GRM7: variants seen among roughly 807,000 people sequenced by gnomAD.
GRM7 encodes glutamate metabotropic receptor 7, also known as metabotropic glutamate receptor 7.
Under a neutral mutation model 84.5 loss-of-function variants are expected in GRM7, and 35 were observed. The ratio of observed to expected loss-of-function variants is 0.41; its 90% CI spans 0.32 to 0.55. The LOEUF (loss-of-function observed/expected upper bound fraction) is 0.55, where lower values mean the gene tolerates loss of function less well. Ranked by LOEUF, GRM7 falls within the 20% of genes least tolerant of loss-of-function variation. GRM7 has a pLI of 0.19. For synonymous variants in GRM7, 487 were observed against 455.1 expected (o/e 1.07, Z -0.89); for missense variants, 1,003 against 1,194.6 (o/e 0.84, Z 2.36).
rs532625591 is a variant in GRM7 at position 7,029,938 on chromosome 3, G to T, written c.520-116514G>T. On this transcript the variant is annotated intron_variant, in intron 1 of 9. Coordinates refer to ENST00000357716, the MANE Select transcript of GRM7 (RefSeq NM_000844.4). Reference sequence around the variant, plus strand: ...TATCTAAGCATTCATTCCACTTCTAGGTTTTTATCCTAGAGAAAAGAAAGT... The same window carrying T: ...TATCTAAGCATTCATTCCACTTCTATGTTTTTATCCTAGAGAAAAGAAAGT... Among the ~76,000 whole-genome samples, 3 of 152,054 alleles carry T rather than the reference G, an allele frequency of 2.0e-5. No individual in the cohort carries two copies. The South Asian group carries it at 6.3e-4, about 32-fold the overall frequency.
At chr3:7,284,760 G>A (rs1475550353) in intron 2 of GRM7, among the ~76,000 whole-genome samples, 1 of 151,790 alleles carries the variant, frequency 6.6e-6, no homozygotes, top group Non-Finnish European at 1.5e-5. Flanking sequence ...CAAAACTATT[G>A]TTTACTTAGG....
At chr3:7,721,352 G>A (rs943032209) in intron 9 of GRM7, among the ~76,000 whole-genome samples, 4 of 152,216 alleles carry the variant, frequency 2.6e-5, no homozygotes, top group Non-Finnish European at 4.4e-5. Flanking sequence ...GGGGGAATGT[G>A]GGATTCTCAG....
At chr3:7,190,793 T>C (rs1695685017) in intron 2 of GRM7, among the ~76,000 whole-genome samples, 1 of 151,986 alleles carries the variant, frequency 6.6e-6, no homozygotes, top group Admixed American at 6.6e-5. Flanking sequence ...TTGAGTTGAG[T>C]TGTTAGACAG....
Position 7,578,610 on chromosome 3 carries a change from GC to G in GRM7, c.1707del (p.Asn570MetfsTer23). ...TCQHCPYDQRPNENRTGCQDI... is the reference protein window; with the variant it reads ...TCQHCPYDQRXNENRTGCQDI... ...GCCAGCATTGCCCCTATGACCAGAG[GC>G]CCAATGAAAATCGAACCGGATGCCA... On this transcript the variant is annotated frameshift_variant, in exon 8 of 10. Coordinates refer to ENST00000357716, the MANE Select transcript of GRM7 (RefSeq NM_000844.4). LOFTEE classifies it high-confidence loss of function. 1 of 1,614,026 alleles carries G rather than the reference GC, an allele frequency of 6.2e-7. No individual in the cohort carries two copies. The highest frequency in any genetic ancestry group is 8.5e-7 in the Non-Finnish European group (1 of 1,179,970).
intron 1 of GRM7, among the ~76,000 whole-genome samples, chr3:6,883,505 T>C (rs892805314): frequency 6.6e-6 from 1 of 152,200 alleles, no homozygotes; most frequent in Admixed American, 6.5e-5. Context: ...TTGGAAATGA[T>C]TTATTCCCTC....
intron 8 of GRM7, among the ~76,000 whole-genome samples, chr3:7,622,793 G>C (rs898374137): frequency 6.6e-6 from 1 of 152,002 alleles, no homozygotes; most frequent in South Asian, 2.1e-4. Context: ...AAGTGAAAGA[G>C]AGCATGGACA....
At chr3:7,139,719 A>G (rs1379029504) in intron 1 of GRM7, among the ~76,000 whole-genome samples, 2 of 152,038 alleles carry the variant, frequency 1.3e-5, no homozygotes, top group African/African-American at 4.8e-5. Context: ...ATGAGTCAGC[A>G]GAGGTTTAGA....
At chr3:7,496,124 A>G (rs1699693462) in intron 7 of GRM7, among the ~76,000 whole-genome samples, 1 of 152,178 alleles carries the variant, frequency 6.6e-6, no homozygotes, top group Non-Finnish European at 1.5e-5. Flanking sequence ...GCTGATGTGT[A>G]TATTGTGGGG....
chr3:7,660,297 A>G (rs911594014), intron 8 of GRM7, among the ~76,000 whole-genome samples: 7 of 152,164 alleles, frequency 4.6e-5, no homozygotes, highest in Admixed American at 6.5e-5. Context: ...TCACATGCCT[A>G]TAGTACCACC....
chr3:7,178,917 C>G (rs565704073), intron 2 of GRM7, among the ~76,000 whole-genome samples: 2 of 147,430 alleles, frequency 1.4e-5, no homozygotes, highest in African/African-American at 5.1e-5. Flanking sequence ...CCCATCTCTA[C>G]TAAAAATACA....
At chr3:7,043,725 A>G (rs941243651) in intron 1 of GRM7, among the ~76,000 whole-genome samples, 6 of 152,184 alleles carry the variant, frequency 3.9e-5, no homozygotes, top group South Asian at 2.1e-4. Context: ...TTCTCTTGGC[A>G]TGATCCCTAT....
intron 1 of GRM7, among the ~76,000 whole-genome samples, chr3:6,867,991 T>C (rs1356166737): frequency 6.6e-6 from 1 of 152,222 alleles, no homozygotes; most frequent in Non-Finnish European, 1.5e-5. Flanking sequence ...TGATATAGGA[T>C]ATATGTCACA....
At chr3:7,281,889 T>C (rs1699263004) in intron 2 of GRM7, among the ~76,000 whole-genome samples, 1 of 152,186 alleles carries the variant, frequency 6.6e-6, no homozygotes, top group Non-Finnish European at 1.5e-5. Context: ...GAGACAAGCC[T>C]GGGCAACAGG....
At chr3:6,952,363 T>C (rs1692818326) in intron 1 of GRM7, among the ~76,000 whole-genome samples, 1 of 152,192 alleles carries the variant, frequency 6.6e-6, no homozygotes, top group Non-Finnish European at 1.5e-5. Flanking sequence ...TCTGATTTCT[T>C]TGCATGCATG....
intron 1 of GRM7, among the ~76,000 whole-genome samples, chr3:7,016,315 G>A (rs1695563610): frequency 6.6e-6 from 1 of 152,160 alleles, no homozygotes; most frequent in South Asian, 2.1e-4. Flanking sequence ...CACAGAAGAA[G>A]GTGTTTTACT....
intron 8 of GRM7, among the ~76,000 whole-genome samples, chr3:7,641,644 G>C (rs1171917143): frequency 6.6e-6 from 1 of 152,124 alleles, no homozygotes; most frequent in African/African-American, 2.4e-5. Flanking sequence ...GCTCCCAGAT[G>C]ATTCTAATGT....
intron 7 of GRM7, among the ~76,000 whole-genome samples, chr3:7,557,898 G>C (rs1395497302): frequency 6.6e-6 from 1 of 152,046 alleles, no homozygotes; most frequent in Non-Finnish European, 1.5e-5. Context: ...GAAATAAGCA[G>C]GATCAATATT....
At chr3:6,872,568 T>C (rs1177085041) in intron 1 of GRM7, among the ~76,000 whole-genome samples, 18 of 152,130 alleles carry the variant, frequency 1.2e-4, no homozygotes, top group Non-Finnish European at 1.9e-4. Flanking sequence ...ACCCATCAAC[T>C]CTTCATCTAC....
At chr3:7,367,484 A>C (rs938480063) in intron 4 of GRM7, among the ~76,000 whole-genome samples, 1 of 151,990 alleles carries the variant, frequency 6.6e-6, no homozygotes, top group African/African-American at 2.4e-5. Context: ...TATTGACAAG[A>C]TACTAGAAAG....
Sources: gnomAD v4.1 joint callset for allele counts (sites outside exome capture counted in the v4.1 genomes callset) on GRCh38, gnomAD v4.1.1 for gene constraint, MANE v1.5 for transcripts, NCBI Gene and HGNC (gene_info 2026-07-23, HGNC 2026-07-21) for gene names.